FHIT: variants seen among roughly 807,000 people sequenced by gnomAD.
FHIT encodes bis(5'-adenosyl)-triphosphatase.
FHIT carries 19 observed loss-of-function variants against 17.9 expected under a neutral mutation model. That is an observed-to-expected ratio of 1.06 (90% CI 0.74 to 1.56). The LOEUF (loss-of-function observed/expected upper bound fraction) is 1.56, where lower values mean the gene tolerates loss of function less well. Among genes scored for constraint, FHIT ranks in the 40% most tolerant of loss-of-function variants. FHIT has a pLI of 0.00. For synonymous variants in FHIT, 81 were observed against 69.7 expected, an observed-to-expected ratio of 1.16 and a Z score of -0.81; for missense variants, 248 against 189.2, an observed-to-expected ratio of 1.31 and a Z score of -1.82.
chr3:60,222,004 T>G (rs1703983573), intron 5 of FHIT, among the ~76,000 whole-genome samples: 1 of 152,070 alleles, frequency 6.6e-6, no homozygotes, highest in South Asian at 2.1e-4. Flanking sequence ...TTATCTATCT[T>G]TCCTATTATC....
At chr3:60,172,209 G>A (rs1701450784) in intron 5 of FHIT, among the ~76,000 whole-genome samples, 1 of 152,126 alleles carries the variant, frequency 6.6e-6, no homozygotes, top group Non-Finnish European at 1.5e-5. Flanking sequence ...GTGAAAATAC[G>A]AGTTGAGAGC....
chr3:60,708,801 CAA>C (rs2041440982), intron 4 of FHIT, among the ~76,000 whole-genome samples: 1 of 152,128 alleles, frequency 6.6e-6, no homozygotes, highest in African/African-American at 2.4e-5. Flanking sequence ...TTTTTGTGGA[CAA>C]AAGAGTTTGG....
At chr3:60,033,999 C>A (rs1229174657) in intron 5 of FHIT, among the ~76,000 whole-genome samples, 1 of 152,152 alleles carries the variant, frequency 6.6e-6, no homozygotes, top group Admixed American at 6.6e-5. Context: ...GAGGGAGTAG[C>A]CAACAGCATA....
intron 2 of FHIT, among the ~76,000 whole-genome samples, chr3:61,189,227 C>A (rs185631601): frequency 1.2e-4 from 18 of 152,322 alleles, no homozygotes; most frequent in Non-Finnish European, 1.5e-4. Context: ...TAGGTAACTT[C>A]GGCTAAGTCT....
At chr3:60,669,218 TAA>T (rs1411479445) in intron 4 of FHIT, among the ~76,000 whole-genome samples, 1 of 152,194 alleles carries the variant, frequency 6.6e-6, no homozygotes, top group African/African-American at 2.4e-5. Flanking sequence ...ACCTACCTGT[TAA>T]AAGAGTGGTT....
intron 4 of FHIT, among the ~76,000 whole-genome samples, chr3:60,619,774 A>G (rs2039066310): frequency 6.6e-6 from 1 of 152,134 alleles, no homozygotes; most frequent in African/African-American, 2.4e-5. Context: ...GACTTTTTAT[A>G]TATAATACCA....
At chr3:60,971,663 C>T (rs1710022081) in intron 3 of FHIT, among the ~76,000 whole-genome samples, 4 of 152,012 alleles carry the variant, frequency 2.6e-5, no homozygotes, top group Admixed American at 2.6e-4. Flanking sequence ...TGTTTGTTTG[C>T]AGTTAGATCT....
intron 8 of FHIT, among the ~76,000 whole-genome samples, chr3:59,876,571 A>G (rs961464814): frequency 4.6e-5 from 7 of 152,184 alleles, no homozygotes; most frequent in Non-Finnish European, 1.0e-4. Context: ...TCAAGAGAGA[A>G]GAGGTGGAGG....
chr3:59,925,676 G>A (rs977800651), intron 7 of FHIT, among the ~76,000 whole-genome samples: 2 of 152,104 alleles, frequency 1.3e-5, no homozygotes, highest in African/African-American at 2.4e-5. Flanking sequence ...CTTGAAATTC[G>A]CCGTGACACA....
intron 5 of FHIT, among the ~76,000 whole-genome samples, chr3:60,533,274 G>A (rs1463608042): frequency 2.0e-5 from 3 of 152,184 alleles, no homozygotes; most frequent in Non-Finnish European, 2.9e-5. Context: ...AACGGGAAAA[G>A]GTGGGATTTC....
chr3:60,544,267 T>A (rs1054011630), intron 4 of FHIT, among the ~76,000 whole-genome samples: 4 of 151,900 alleles, frequency 2.6e-5, no homozygotes, highest in Non-Finnish European at 5.9e-5. Context: ...GTATTATGAA[T>A]GATGTCTACT....
At chr3:61,135,079 T>A (rs2036873649) in intron 2 of FHIT, among the ~76,000 whole-genome samples, 1 of 152,080 alleles carries the variant, frequency 6.6e-6, no homozygotes, top group South Asian at 2.1e-4. Flanking sequence ...AAATCAGAGA[T>A]AATTTCACAG....
Position 60,179,361 on chromosome 3 carries a change from T to C in FHIT, c.104-165209A>G, listed in dbSNP as rs190379763. On this transcript the variant is annotated intron_variant, in intron 5 of 9. Coordinates refer to ENST00000492590, the MANE Select transcript of FHIT (RefSeq NM_002012.4). ...ACAGTGGTGTAATCTTTTCACACTATGCATACTTCTATAAAGCAAAACCAT... is the reference window on the plus strand; with the variant it reads ...ACAGTGGTGTAATCTTTTCACACTACGCATACTTCTATAAAGCAAAACCAT... 6.4e-4 allele frequency among the ~76,000 whole-genome samples: 98 copies of C among 152,378 alleles called. 1 individual carries two copies. Among genetic ancestry groups the C allele is most frequent in the East Asian group, 1.9e-4 (1 of 5,192 alleles).
intron 5 of FHIT, among the ~76,000 whole-genome samples, chr3:60,120,077 G>A (rs1484041350): frequency 6.6e-6 from 1 of 152,120 alleles, no homozygotes; most frequent in Admixed American, 6.5e-5. Flanking sequence ...AAACTTTCAA[G>A]GCCCAGCTTG....
intron 5 of FHIT, among the ~76,000 whole-genome samples, chr3:60,507,016 C>G (rs535924261): frequency 3.2e-4 from 48 of 152,256 alleles, no homozygotes; most frequent in African/African-American, 1.1e-3. Flanking sequence ...TGCCCCTGCT[C>G]TCATAGTCTA....
At chr3:60,867,391 A>ATGTGATATGTAAGTGT in intron 3 of FHIT, among the ~76,000 whole-genome samples, 1 of 152,322 alleles carries the variant, frequency 6.6e-6, no homozygotes, top group African/African-American at 2.4e-5. Flanking sequence ...TTACATATCA[A>ATGTGATATGTAAGTGT]AGACAGTGAA....
chr3:60,068,038 C>G (rs1443312657), intron 5 of FHIT, among the ~76,000 whole-genome samples: 3 of 152,072 alleles, frequency 2.0e-5, no homozygotes, highest in Non-Finnish European at 4.4e-5. Flanking sequence ...GAGTTTGAGA[C>G]CAGCCTGGTC....
At chr3:60,332,682 A>G (rs553179798) in intron 5 of FHIT, among the ~76,000 whole-genome samples, 1 of 152,274 alleles carries the variant, frequency 6.6e-6, no homozygotes, top group East Asian at 1.9e-4. Context: ...TATTTTGGGG[A>G]GAATCGTTTT....
At chr3:60,182,247 G>A (rs1701970575) in intron 5 of FHIT, among the ~76,000 whole-genome samples, 1 of 152,146 alleles carries the variant, frequency 6.6e-6, no homozygotes, top group Non-Finnish European at 1.5e-5. Context: ...ACTAAATCCT[G>A]CTTCTATTAG....
Sources: allele counts gnomAD v4.1 joint callset (sites outside exome capture counted in the v4.1 genomes callset), GRCh38; gene constraint gnomAD v4.1.1; transcripts MANE v1.5; gene names NCBI Gene and HGNC (gene_info 2026-07-23, HGNC 2026-07-21).